UNC13C: variants seen among roughly 807,000 people sequenced by gnomAD.
The protein encoded by UNC13C is unc-13 homolog C.
UNC13C carries 174 observed loss-of-function variants against 245.4 expected under a neutral mutation model. The observed-to-expected ratio is 0.71, with a 90% CI of 0.63 to 0.80. UNC13C has a LOEUF of 0.80. UNC13C is among the 30% of genes least tolerant of loss of function. The pLI is 0.00. For missense variants in UNC13C, 2,829 were observed against 2,602.9 expected, an observed-to-expected ratio of 1.09 and a Z score of -1.89; for synonymous variants, 992 against 895.1, an observed-to-expected ratio of 1.11 and a Z score of -1.93.
intron 4 of UNC13C, among the ~76,000 whole-genome samples, chr15:54,147,789 C>CATGTGTGT (rs71132783): frequency 1.6e-3 from 238 of 147,588 alleles, no homozygotes; most frequent in East Asian, 2.4e-3. Flanking sequence ...AAGGTGTGTG[C>CATGTGTGT]GTGTGTGTGT....
chr15:54,084,416 C>T (rs1366283365), intron 2 of UNC13C, among the ~76,000 whole-genome samples: 1 of 152,132 alleles, frequency 6.6e-6, no homozygotes, highest in Non-Finnish European at 1.5e-5. Context: ...GACATATCTA[C>T]CTTGTTTCCT....
intron 22 of UNC13C, 24 bp from the exon 23 acceptor site, chr15:54,507,093 A>G (rs551920312): frequency 2.0e-6 from 3 of 1,522,946 alleles, no homozygotes; most frequent in Non-Finnish European, 2.7e-6. Context: ...ACCTGGGTAA[A>G]GTTCACAATG....
intron 19 of UNC13C, among the ~76,000 whole-genome samples, chr15:54,469,013 A>C (rs1453260745): frequency 6.6e-6 from 1 of 151,630 alleles, no homozygotes; most frequent in Non-Finnish European, 1.5e-5. Context: ...CTGAATCTAT[A>C]GATTGATTTT....
intron 19 of UNC13C, among the ~76,000 whole-genome samples, chr15:54,455,151 G>T (rs1596404830): frequency 4.6e-5 from 4 of 86,294 alleles, no homozygotes; most frequent in Non-Finnish European, 8.8e-5. Context: ...CCTTTCTATG[G>T]CTGAGTCATA....
chr15:54,609,870 G>A (rs559836117), intron 30 of UNC13C, among the ~76,000 whole-genome samples: 200 of 152,278 alleles, frequency 1.3e-3, no homozygotes, highest in African/African-American at 4.6e-3. Context: ...GGAAGAAAAC[G>A]TGCTTCTTCA....
the UNC13C span, among the ~76,000 whole-genome samples, chr15:53,931,586 G>A: frequency 2.6e-5 from 4 of 151,838 alleles, no homozygotes; most frequent in Non-Finnish European, 4.4e-5. Flanking sequence ...CACTTTCCTG[G>A]GTGATGCAGG....
chr15:53,904,221 A>G, the UNC13C span, among the ~76,000 whole-genome samples: 2 of 152,192 alleles, frequency 1.3e-5, no homozygotes, highest in East Asian at 3.9e-4. Flanking sequence ...CCATTTCAGA[A>G]TAGTACCATA....
Position 54,585,217 on chromosome 15 carries a change from C to T in UNC13C, c.6106+17270C>T, listed in dbSNP as rs185927913. Among the ~76,000 whole-genome samples the T allele has an allele frequency of 1.6e-4, 25 of 152,236 alleles. No homozygotes were observed. In the East Asian group the frequency reaches 2.5e-3, roughly 15 times the overall value. On this transcript the variant is annotated intron_variant, in intron 30 of 32. Transcript: ENST00000260323. ...GGCCTGCTGGCAGGTGTTTGGGTCA[C>T]GGGGCAGATCCTTCATGAATGGCTT...
intron 4 of UNC13C, among the ~76,000 whole-genome samples, chr15:54,190,154 T>G (rs1444701264): frequency 6.6e-6 from 1 of 152,152 alleles, no homozygotes; most frequent in Non-Finnish European, 1.5e-5. Flanking sequence ...TGGTTAATAC[T>G]CTTACCTCCA....
At chr15:54,630,121 A>G (rs1219515127), downstream of UNC13C, 1 of 152,238 alleles carries the variant, frequency 6.6e-6, no homozygotes, top group Non-Finnish European at 1.5e-5. Context: ...ACACAAAGGC[A>G]AAGCTCTGTT....
intron 18 of UNC13C, among the ~76,000 whole-genome samples, chr15:54,395,489 C>T (rs1027527487): frequency 3.3e-5 from 5 of 151,852 alleles, no homozygotes; most frequent in Non-Finnish European, 5.9e-5. Context: ...ACACAGAAGT[C>T]TGCAATATTA....
intron 4 of UNC13C, among the ~76,000 whole-genome samples, chr15:54,215,740 G>A (rs1274026128): frequency 6.6e-6 from 1 of 151,882 alleles, no homozygotes; most frequent in African/African-American, 2.4e-5. Context: ...CCTCAGTCAA[G>A]ACTCTCATTA....
chr15:54,061,083 G>A (rs1057503872), intron 2 of UNC13C, among the ~76,000 whole-genome samples: 5 of 150,682 alleles, frequency 3.3e-5, no homozygotes, highest in East Asian at 2.0e-4. Context: ...AAACGTGCAC[G>A]TTGTGCACAT....
intron 2 of UNC13C, among the ~76,000 whole-genome samples, chr15:54,142,678 G>A (rs1045765703): frequency 1.3e-5 from 2 of 152,206 alleles, no homozygotes; most frequent in Admixed American, 6.5e-5. Flanking sequence ...ACTCCAAAGA[G>A]TTTGGTAGCT....
At chr15:54,549,525 C>T in intron 27 of UNC13C, 110 bp from the exon 28 acceptor site, 1 of 822,478 alleles carries the variant, frequency 1.2e-6, no homozygotes, top group Non-Finnish European at 1.9e-6. Context: ...TGGCATAAGC[C>T]ATAAGTCTTA....
At chr15:54,558,490 A>G (rs901659331) in intron 29 of UNC13C, among the ~76,000 whole-genome samples, 1 of 152,076 alleles carries the variant, frequency 6.6e-6, no homozygotes, top group Non-Finnish European at 1.5e-5. Flanking sequence ...ACTTCTTGCT[A>G]TATTAAAATA....
chr15:53,916,422 A>G, the UNC13C span, among the ~76,000 whole-genome samples: 1 of 152,204 alleles, frequency 6.6e-6, no homozygotes, highest in Admixed American at 6.5e-5. Flanking sequence ...TTCCTTGTGC[A>G]TTTGAATCAA....
At chr15:53,924,867 A>C in the UNC13C span, among the ~76,000 whole-genome samples, 1 of 152,242 alleles carries the variant, frequency 6.6e-6, no homozygotes, top group Non-Finnish European at 1.5e-5. Flanking sequence ...TGATACCAAA[A>C]ATTAATGTTT....
intron 2 of UNC13C, among the ~76,000 whole-genome samples, chr15:54,025,702 C>A (rs1896080408): frequency 6.6e-6 from 1 of 152,142 alleles, no homozygotes; most frequent in African/African-American, 2.4e-5. Context: ...CCCGACAGCA[C>A]CAATTTGTCA....
Sources: gnomAD v4.1 joint callset for allele counts (sites outside exome capture counted in the v4.1 genomes callset) on GRCh38, gnomAD v4.1.1 for gene constraint, MANE v1.5 for transcripts, NCBI Gene and HGNC (gene_info 2026-07-23, HGNC 2026-07-21) for gene names.